SPON1: variants seen among roughly 807,000 people sequenced by gnomAD.
SPON1 encodes the protein spondin-1.
In SPON1, 52 loss-of-function variants were observed where a neutral mutation model predicts 111.7. The observed-to-expected ratio is 0.47, with a 90% CI of 0.37 to 0.59. SPON1 has a LOEUF of 0.59. Ranked by LOEUF, SPON1 falls within the 20% of genes least tolerant of loss-of-function variation. SPON1 has a pLI of 0.00. For missense variants in SPON1, 957 were observed against 1,068.5 expected (o/e 0.90, Z 1.46); for synonymous variants, 410 against 395.8 (o/e 1.04, Z -0.43).
rs372569370 is a variant in SPON1 at position 14,194,528 on chromosome 11, TCACACA to T, written c.826-48770_826-48765del. 3.3e-3 allele frequency among the ~76,000 whole-genome samples: 358 copies of T among 106,874 alleles called. 1 individual carries two copies. Among genetic ancestry groups the T allele is most frequent in the African/African-American group, 7.4e-3 (192 of 26,014 alleles). The allele number at this position is 106,874 out of a possible 152,430, so 70.1% of individuals were successfully genotyped here. ...GAACTAATGGGAATCTAGGCCTACT[TCACACA>T]CACACACACACACACACACACACAC... is the stretch of plus-strand genomic sequence containing the variant. On this transcript the variant is annotated intron_variant, in intron 6 of 15. Coordinates refer to ENST00000576479, the MANE Select transcript of SPON1 (RefSeq NM_006108.4).
chr11:14,000,664 C>T (rs1554912357), intron 2 of SPON1, among the ~76,000 whole-genome samples: 18 of 152,026 alleles, frequency 1.2e-4, no homozygotes, highest in Non-Finnish European at 2.9e-5. Flanking sequence ...ATTTTCCCCC[C>T]AAAGTCAGCT....
intron 5 of SPON1, among the ~76,000 whole-genome samples, chr11:14,093,405 G>T (rs537232625): frequency 6.6e-6 from 1 of 152,198 alleles, no homozygotes; most frequent in African/African-American, 2.4e-5. Flanking sequence ...TTTGACAAAT[G>T]CTCCTATCCC....
chr11:13,975,307 A>G (rs1361416317), intron 1 of SPON1, among the ~76,000 whole-genome samples: 5 of 152,224 alleles, frequency 3.3e-5, no homozygotes, highest in Non-Finnish European at 7.3e-5. Flanking sequence ...AGGTTGATGT[A>G]TTGCTCAAGG....
At chr11:14,154,876 G>GAAATTTCTAAATTTCTAAGATA (rs1554930219) in intron 6 of SPON1, among the ~76,000 whole-genome samples, 5 of 152,094 alleles carry the variant, frequency 3.3e-5, no homozygotes, top group African/African-American at 1.2e-4. Context: ...TTGCTACTTA[G>GAAATTTCTAAATTTCTAAGATA]AAATTTCTAA....
intron 6 of SPON1, among the ~76,000 whole-genome samples, chr11:14,217,163 G>A (rs1225662292): frequency 6.6e-6 from 1 of 152,186 alleles, no homozygotes; most frequent in East Asian, 1.9e-4. Context: ...TCAGATGGTT[G>A]TCTTGCTTGT....
intron 3 of SPON1, among the ~76,000 whole-genome samples, chr11:14,057,365 GTTTCAAAGTCA>G (rs1193912296): frequency 1.3e-5 from 2 of 152,184 alleles, no homozygotes; most frequent in Non-Finnish European, 2.9e-5. Context: ...TAATCTTCAA[GTTTCAAAGTCA>G]AAGACTGAGG....
chr11:14,156,098 A>G lies in SPON1; in HGVS notation c.825+20530A>G, dbSNP rs1847842492. ...ACTTCCACAATGGTTGAACTAGTTT[A>G]CAGTCCCACCAACAGTGTAAAAGTG... On this transcript the variant is annotated intron_variant, in intron 6 of 15. Transcript: ENST00000576479. 1.6e-5 allele frequency among the ~76,000 whole-genome samples: 2 copies of G among 122,916 alleles called. 1 individual carries two copies. Among genetic ancestry groups the G allele is most frequent in the South Asian group, 5.6e-4 (2 of 3,566 alleles). The allele number at this position is 122,916 out of a possible 152,430, so 80.6% of individuals were successfully genotyped here.
chr11:14,070,819 C>T (rs977135748), intron 3 of SPON1, among the ~76,000 whole-genome samples: 2 of 152,068 alleles, frequency 1.3e-5, no homozygotes, highest in Non-Finnish European at 2.9e-5. Flanking sequence ...AATGAATAAA[C>T]CCTCCAAACA....
intron 5 of SPON1, among the ~76,000 whole-genome samples, chr11:14,107,129 G>C (rs1849190867): frequency 6.6e-6 from 1 of 152,120 alleles, no homozygotes; most frequent in African/African-American, 2.4e-5. Context: ...AAAGCAGAAG[G>C]CTTTCATTTT....
intron 6 of SPON1, among the ~76,000 whole-genome samples, chr11:14,201,347 C>CA (rs1336398367): frequency 3.4e-4 from 12 of 35,664 alleles, no homozygotes; most frequent in African/African-American, 3.1e-3. Flanking sequence ...TTAACCAAAA[C>CA]AAAAAAACAA....
chr11:14,004,310 G>A (rs1399916906), intron 2 of SPON1, among the ~76,000 whole-genome samples: 2 of 152,144 alleles, frequency 1.3e-5, no homozygotes, highest in Non-Finnish European at 2.9e-5. Context: ...GGGTCCACAG[G>A]TGTCTTTATG....
chr11:14,139,281 C>T (rs1847624456), intron 6 of SPON1, among the ~76,000 whole-genome samples: 1 of 152,232 alleles, frequency 6.6e-6, no homozygotes, highest in Non-Finnish European at 1.5e-5. Flanking sequence ...AACTGGTGAA[C>T]TCCTATTCAT....
chr11:14,231,940 G>A (rs1219447743), intron 6 of SPON1, among the ~76,000 whole-genome samples: 11 of 85,576 alleles, frequency 1.3e-4, no homozygotes, highest in Non-Finnish European at 2.3e-4. Context: ...GGATTATAGG[G>A]TCATTCTTTT....
At chr11:13,972,081 A>G (rs1564876309) in intron 1 of SPON1, among the ~76,000 whole-genome samples, 1 of 152,238 alleles carries the variant, frequency 6.6e-6, no homozygotes, top group African/African-American at 2.4e-5. Flanking sequence ...TCTTCTGACT[A>G]AAATGCCCCA....
intron 6 of SPON1, among the ~76,000 whole-genome samples, chr11:14,200,529 C>A (rs1359802852): frequency 1.3e-5 from 2 of 152,104 alleles, no homozygotes; most frequent in Non-Finnish European, 2.9e-5. Context: ...TCTTCATTCT[C>A]ACTTTTGAGG....
chr11:14,017,095 G>A (rs1848449463), intron 2 of SPON1, among the ~76,000 whole-genome samples: 1 of 152,166 alleles, frequency 6.6e-6, no homozygotes, highest in South Asian at 2.1e-4. Flanking sequence ...GGCATATGCT[G>A]CATTTTCCTA....
At chr11:14,001,256 A>ATTGGG (rs1554912406) in intron 2 of SPON1, among the ~76,000 whole-genome samples, 1 of 151,990 alleles carries the variant, frequency 6.6e-6, no homozygotes, top group Non-Finnish European at 1.5e-5. Flanking sequence ...GGAGAGTTAA[A>ATTGGG]CTCCTGGGAG....
chr11:14,154,816 T>G (rs782791571), intron 6 of SPON1, among the ~76,000 whole-genome samples: 33 of 152,236 alleles, frequency 2.2e-4, no homozygotes, highest in Non-Finnish European at 4.1e-4. Context: ...TCTTTGTTTA[T>G]GCAGGTTAGT....
intron 6 of SPON1, among the ~76,000 whole-genome samples, chr11:14,192,535 C>G (rs1199478539): frequency 2.0e-5 from 3 of 152,134 alleles, no homozygotes; most frequent in African/African-American, 7.2e-5. Context: ...AGAGATGGAT[C>G]AATCTCTTAC....
Sources: allele counts gnomAD v4.1 joint callset (sites outside exome capture counted in the v4.1 genomes callset), GRCh38; gene constraint gnomAD v4.1.1; transcripts MANE v1.5; gene names NCBI Gene and HGNC (gene_info 2026-07-23, HGNC 2026-07-21).